TAFA1: variants seen among roughly 807,000 people sequenced by gnomAD.
TAFA1 encodes the protein TAFA chemokine like family member 1.
In TAFA1, 4 loss-of-function variants were observed where a neutral mutation model predicts 18.5. That is an observed-to-expected ratio of 0.22 (90% CI 0.11 to 0.49). TAFA1 has a LOEUF of 0.49. Among genes scored for constraint, TAFA1 ranks in the 20% least tolerant of loss-of-function variants. The pLI is 0.98. For missense variants in TAFA1, 147 were observed against 169.0 expected (o/e 0.87, Z 0.72); for synonymous variants, 56 against 55.2 (o/e 1.01, Z -0.06).
intron 2 of TAFA1, among the ~76,000 whole-genome samples, chr3:68,267,015 A>T (rs955800883): frequency 5.3e-5 from 8 of 152,134 alleles, no homozygotes; most frequent in Admixed American, 3.3e-4. Context: ...ATAAAAACAG[A>T]TTTCCCATTG....
intron 3 of TAFA1, among the ~76,000 whole-genome samples, chr3:68,525,892 C>T (rs895132429): frequency 6.6e-6 from 1 of 151,940 alleles, no homozygotes; most frequent in Non-Finnish European, 1.5e-5. Context: ...TCTCAAGTGT[C>T]TGTGAGCCAG....
intron 2 of TAFA1, among the ~76,000 whole-genome samples, chr3:68,295,150 A>G (rs565964325): frequency 6.6e-6 from 1 of 152,232 alleles, no homozygotes; most frequent in East Asian, 1.9e-4. Context: ...AAGGGCCCAG[A>G]GAACTGTAAA....
chr3:68,103,901 C>G (rs74693300), intron 2 of TAFA1, among the ~76,000 whole-genome samples: 2,920 of 152,194 alleles, frequency 0.019, 103 homozygotes, highest in African/African-American at 0.067. Flanking sequence ...TCTCGAATCT[C>G]AGAGTTCCTA....
At chr3:68,181,555 G>A (rs2066200876) in intron 2 of TAFA1, among the ~76,000 whole-genome samples, 1 of 152,116 alleles carries the variant, frequency 6.6e-6, no homozygotes, top group Non-Finnish European at 1.5e-5. Context: ...TACTGATAAT[G>A]TTGCTAATAG....
At chr3:68,163,764 C>T (rs1246971236) in intron 2 of TAFA1, among the ~76,000 whole-genome samples, 1 of 152,116 alleles carries the variant, frequency 6.6e-6, no homozygotes, top group Non-Finnish European at 1.5e-5. Context: ...GATGGATGAA[C>T]TAATTAAAGA....
chr3:68,458,352 C>T (rs1048531140), intron 3 of TAFA1, among the ~76,000 whole-genome samples: 1 of 152,150 alleles, frequency 6.6e-6, no homozygotes, highest in Non-Finnish European at 1.5e-5. Flanking sequence ...ACTACCCAGT[C>T]TCAGGTAGTT....
intron 2 of TAFA1, among the ~76,000 whole-genome samples, chr3:68,030,380 C>T (rs1697357810): frequency 6.6e-6 from 1 of 152,004 alleles, no homozygotes; most frequent in African/African-American, 2.4e-5. Flanking sequence ...CCGTCATCTA[C>T]ATTAGGTATT....
intron 2 of TAFA1, among the ~76,000 whole-genome samples, chr3:68,149,142 T>A (rs2065777290): frequency 6.6e-6 from 1 of 152,160 alleles, no homozygotes; most frequent in Non-Finnish European, 1.5e-5. Context: ...TACCCCCAAC[T>A]TATGGTTAAG....
chr3:68,413,161 TAC>T (rs2070747167), intron 2 of TAFA1, among the ~76,000 whole-genome samples: 1 of 152,248 alleles, frequency 6.6e-6, no homozygotes. Context: ...GTCTGTTGGC[TAC>T]ATAATTGTCT....
chr3:68,379,404 G>A (rs949625579), intron 2 of TAFA1, among the ~76,000 whole-genome samples: 1 of 152,218 alleles, frequency 6.6e-6, no homozygotes, highest in Admixed American at 6.5e-5. Context: ...ACCATTGTCA[G>A]ATGCACAGTT....
intron 2 of TAFA1, among the ~76,000 whole-genome samples, chr3:68,396,718 T>C (rs1195541116): frequency 6.6e-6 from 1 of 152,214 alleles, no homozygotes; most frequent in Non-Finnish European, 1.5e-5. Context: ...CTTGGGCATA[T>C]GCCTAGTAGA....
chr3:68,098,254 A>G (rs1208727017), intron 2 of TAFA1, among the ~76,000 whole-genome samples: 1 of 148,460 alleles, frequency 6.7e-6, no homozygotes, highest in East Asian at 2.0e-4. Context: ...TTAAGGTGTG[A>G]CTGTTTTTTT....
At chr3:68,120,543 G>A (rs13091934) in intron 2 of TAFA1, among the ~76,000 whole-genome samples, 79,553 of 151,810 alleles carry the variant, frequency 0.52, 21,796 homozygotes, top group South Asian at 0.63. Context: ...GCCACTGCAC[G>A]TGGCCAACCT....
intron 2 of TAFA1, among the ~76,000 whole-genome samples, chr3:68,336,349 C>T (rs944916332): frequency 2.0e-5 from 3 of 152,142 alleles, no homozygotes; most frequent in Admixed American, 6.5e-5. Context: ...CTTTTGGGAT[C>T]CTCCTAACTG....
chr3:68,339,432 T>G (rs1575789148), intron 2 of TAFA1, among the ~76,000 whole-genome samples: 1 of 152,326 alleles, frequency 6.6e-6, no homozygotes, highest in Admixed American at 6.5e-5. Context: ...ATATGGATAG[T>G]AATAGCCAAC....
intron 2 of TAFA1, among the ~76,000 whole-genome samples, chr3:68,126,342 G>A (rs183641087): frequency 1.3e-5 from 2 of 152,284 alleles, no homozygotes; most frequent in Admixed American, 6.5e-5. Flanking sequence ...ATAATGAGAA[G>A]ATCAGTAGGG....
At chr3:68,405,699 C>CCAAAAAAAAAAAAA (rs1559655011) in intron 2 of TAFA1, among the ~76,000 whole-genome samples, 1 of 32,850 alleles carries the variant, frequency 3.0e-5, no homozygotes, top group Non-Finnish European at 7.8e-5. Context: ...GACTCTATCT[C>CCAAAAAAAAAAAAA]AAAAAAAAAA....
chr3:68,000,725 A>C (rs1418899296), upstream of TAFA1, among the ~76,000 whole-genome samples: 1 of 152,230 alleles, frequency 6.6e-6, no homozygotes, highest in Non-Finnish European at 1.5e-5. Flanking sequence ...AGACAAGTAT[A>C]CTTGCTATAG....
At chr3:68,437,753 T>C (rs1368692773) in intron 3 of TAFA1, among the ~76,000 whole-genome samples, 1 of 152,114 alleles carries the variant, frequency 6.6e-6, no homozygotes, top group African/African-American at 2.4e-5. Flanking sequence ...GGATTAAGTT[T>C]TAACATAAGT....
Sources: allele counts gnomAD v4.1 joint callset (sites outside exome capture counted in the v4.1 genomes callset), GRCh38; gene constraint gnomAD v4.1.1; transcripts MANE v1.5; gene names NCBI Gene and HGNC (gene_info 2026-07-23, HGNC 2026-07-21).